The following ADCY8 variants were observed in gnomAD, a reference collection of about 807,000 sequenced individuals.
The protein encoded by ADCY8 is adenylate cyclase type 8.
A neutral mutation model predicts 119.7 loss-of-function variants in ADCY8; 51 were observed. The ratio of observed to expected loss-of-function variants is 0.43; its 90% CI spans 0.34 to 0.54. The LOEUF is 0.54. Ranked by LOEUF, ADCY8 falls within the 20% of genes least tolerant of loss-of-function variation. The pLI, the probability that ADCY8 is intolerant of heterozygous loss-of-function variation, is 0.03. For missense variants in ADCY8, 1,383 were observed against 1,598.8 expected (o/e 0.87, Z 2.30); for synonymous variants, 665 against 651.0 (o/e 1.02, Z -0.33).
At chr8:130,918,977 C>G (rs1220746387) in intron 5 of ADCY8, among the ~76,000 whole-genome samples, 6 of 152,182 alleles carry the variant, frequency 3.9e-5, no homozygotes. Flanking sequence ...GCAGGAGAAT[C>G]CCTTGAACCC....
chr8:130,821,445 T>A (rs1331788646), intron 12 of ADCY8, 25 bp from the exon 13 acceptor site: 1 of 1,585,908 alleles, frequency 6.3e-7, no homozygotes. Flanking sequence ...AAGGAACTGA[T>A]AACCATGGGG....
rs1023053390 is a variant in ADCY8 at position 130,884,738 on chromosome 8, A to G, written c.1935T>C (p.Asn645=). The G allele has an allele frequency of 6.2e-7, 1 of 1,613,850 alleles. No individual in the cohort carries two copies. The highest frequency in any genetic ancestry group is 8.5e-7 in the Non-Finnish European group (1 of 1,179,782). ...GATGGTTTGGAAGCAGATTTATTGA[A>G]TTTCTTGTTAGGGCAGCCAGAGTCT... The part of the protein sequence containing the change: ...KQNTLAALTR[N]SINLLPNHLA... The change falls in exon 8 of 18, where the codon AAT becomes AAC. Residue 645 remains asparagine (N), a synonymous_variant. Transcript: ENST00000286355.
rs1786454043 is a variant in ADCY8, at chr8:130,814,232, A to G, written c.2755-5T>C. 2 of 1,613,704 alleles carry G rather than the reference A, an allele frequency of 1.2e-6. No homozygotes were observed. The highest frequency in any genetic ancestry group is 1.7e-6 in the Non-Finnish European group (2 of 1,179,908). On this transcript the variant is annotated splice_region_variant and splice_polypyrimidine_tract_variant and intron_variant, in intron 13 of 17. Transcript: ENST00000286355. The stretch of plus-strand genomic sequence containing the variant: ...CAGGCGGGCTGTGTACTCCAGCTGC[A>G]GTACATGTGAGAGAAAGAGGAGAAT...
intron 2 of ADCY8, among the ~76,000 whole-genome samples, chr8:130,970,235 A>G (rs80280459): frequency 0.017 from 2,641 of 152,278 alleles, 79 homozygotes; most frequent in African/African-American, 0.059. Flanking sequence ...GGGCAAGCCG[A>G]CAAGGCTTCA....
chr8:130,848,399 T>G (rs1277054421), intron 10 of ADCY8, among the ~76,000 whole-genome samples: 1 of 152,250 alleles, frequency 6.6e-6, no homozygotes, highest in East Asian at 1.9e-4. Context: ...TGTACTTCCA[T>G]TTCAGTTATC....
rs192087762 is a variant in ADCY8 at position 130,899,538 on chromosome 8, G to A, written c.1911+4234C>T. Among the ~76,000 whole-genome samples, 100 of 152,128 alleles carry A rather than the reference G, an allele frequency of 6.6e-4. 1 individual carries two copies. Among genetic ancestry groups the A allele is most frequent in the African/African-American group, 2.4e-3 (98 of 41,496 alleles). On this transcript the variant is annotated intron_variant, in intron 7 of 17. Coordinates refer to ENST00000286355, the MANE Select transcript of ADCY8 (RefSeq NM_001115.3). ...GAAGAATCGCTGGAACCCGGGAGGC[G>A]GAGGTTGCAGTGAGCCGAGATCGTG...
intron 1 of ADCY8, among the ~76,000 whole-genome samples, chr8:131,028,256 A>G (rs1330899594): frequency 6.6e-6 from 1 of 152,248 alleles, no homozygotes; most frequent in Non-Finnish European, 1.5e-5. Context: ...TTCATTGTCC[A>G]TTGGCACAGC....
At chr8:130,905,403 A>G (rs62518116) in intron 6 of ADCY8, among the ~76,000 whole-genome samples, 21,328 of 152,150 alleles carry the variant, frequency 0.14, 1,653 homozygotes, top group Non-Finnish European at 0.18. Flanking sequence ...TCCAGATTCA[A>G]CGTACTATTT....
chr8:130,970,420 T>C (rs1306414115), intron 2 of ADCY8, among the ~76,000 whole-genome samples: 1 of 152,166 alleles, frequency 6.6e-6, no homozygotes. Flanking sequence ...TTTATCACTG[T>C]CTCTCATCAC....
At chr8:130,979,112 G>A (rs991381490) in intron 2 of ADCY8, among the ~76,000 whole-genome samples, 2 of 152,168 alleles carry the variant, frequency 1.3e-5, no homozygotes, top group Non-Finnish European at 2.9e-5. Flanking sequence ...AAAGGAGAAA[G>A]CTGGAGCCTT....
chr8:130,940,580 G>A (rs111846051), intron 4 of ADCY8, among the ~76,000 whole-genome samples: 80 of 152,230 alleles, frequency 5.3e-4, no homozygotes, highest in Middle Eastern at 6.8e-3. Flanking sequence ...GTCAAGGTCT[G>A]TCAATTTGCA....
chr8:130,999,093 C>T (rs889590967), intron 1 of ADCY8, among the ~76,000 whole-genome samples: 1 of 152,102 alleles, frequency 6.6e-6, no homozygotes, highest in African/African-American at 2.4e-5. Context: ...AATCTGAACT[C>T]CCCCAGGGCA....
At chr8:130,901,816 TA>T (rs1270131759) in intron 7 of ADCY8, among the ~76,000 whole-genome samples, 4 of 152,118 alleles carry the variant, frequency 2.6e-5, no homozygotes, top group African/African-American at 9.7e-5. Flanking sequence ...ACAGATGGGT[TA>T]CATCCAGGCA....
chr8:131,011,384 G>A (rs1252832539), intron 1 of ADCY8, among the ~76,000 whole-genome samples: 2 of 152,022 alleles, frequency 1.3e-5, no homozygotes, highest in South Asian at 4.2e-4. Context: ...CTTTATGTAG[G>A]GCCTGCCAAG....
In ADCY8 at chr8:130,937,181, A is replaced by G; in HGVS notation, c.1373T>C (p.Ile458Thr). ...GTAGTAGCAGTCCCCCAGGATTTTAATACGAAGGCAGTGATGCTCCTGGAA... is the reference window on the plus strand; with the variant it reads ...GTAGTAGCAGTCCCCCAGGATTTTAGTACGAAGGCAGTGATGCTCCTGGAA... ...RLAHEHHCLR[I>T]KILGDCYYCV... Residue 458 changes from isoleucine to threonine, a missense_variant, in exon 5 of 18, where the codon ATT becomes ACT. Physicochemically the swap from Ile to Thr is moderately conservative, Grantham distance 89 (BLOSUM62 -1). Coordinates refer to ENST00000286355, the MANE Select transcript of ADCY8 (RefSeq NM_001115.3). 6.2e-7 allele frequency: 1 copy of G among 1,613,752 alleles called. No individual in the cohort carries two copies.
intron 13 of ADCY8, among the ~76,000 whole-genome samples, chr8:130,815,276 A>G (rs114898460): frequency 3.4e-3 from 516 of 152,332 alleles, no homozygotes; most frequent in African/African-American, 0.012. Flanking sequence ...CTGTTGTTAA[A>G]TACACTCAGT....
rs747184733 is a variant in ADCY8 at position 131,040,091 on chromosome 8, C to A, written c.243G>T (p.Pro81=). Residue 81 remains proline, a synonymous_variant, in exon 1 of 18, where the codon CCG becomes CCT. Coordinates refer to ENST00000286355, the MANE Select transcript of ADCY8 (RefSeq NM_001115.3). ...GCAGCGCCGAGTCGCCTGACAGCTG[C>A]GGCGCGTGGTGGTTGGGGCCGCCGC... The part of the protein sequence containing the change: ...PAGGGPNHHA[P]QLSGDSALPL... The A allele has an allele frequency of 5.6e-5, 86 of 1,529,686 alleles. No homozygotes were observed. Among genetic ancestry groups the A allele is most frequent in the Non-Finnish European group, 4.0e-5 (46 of 1,144,142 alleles). 94.8% of individuals were successfully genotyped at this position (1,529,686 alleles called of 1,614,324 possible). A position where few individuals can be genotyped will look rare whatever the true frequency, so the allele number is the denominator to read the frequency against.
At chr8:130,848,311 C>A (rs1401447846) in intron 10 of ADCY8, among the ~76,000 whole-genome samples, 1 of 152,170 alleles carries the variant, frequency 6.6e-6, no homozygotes, top group South Asian at 2.1e-4. Flanking sequence ...TTCTGCACCC[C>A]AGAAATATCT....
chr8:131,004,329 A>G (rs1823047054), intron 1 of ADCY8, among the ~76,000 whole-genome samples: 1 of 152,124 alleles, frequency 6.6e-6, no homozygotes, highest in African/African-American at 2.4e-5. Context: ...GAAGTCTCAC[A>G]TGTACCTCCC....
Sources: allele counts gnomAD v4.1 joint callset (sites outside exome capture counted in the v4.1 genomes callset), GRCh38; gene constraint gnomAD v4.1.1; transcripts MANE v1.5; gene names NCBI Gene and HGNC (gene_info 2026-07-23, HGNC 2026-07-21).